The following WIPF3 variants were observed in gnomAD, a reference collection of about 807,000 sequenced individuals.
WIPF3 encodes the protein WAS/WASL-interacting protein family member 3.
A neutral mutation model predicts 38.9 loss-of-function variants in WIPF3; 33 were observed. That is an observed-to-expected ratio of 0.85 (90% CI 0.64 to 1.14). The LOEUF (loss-of-function observed/expected upper bound fraction) is 1.14. Among genes scored for constraint, WIPF3 ranks in the 50% most tolerant of loss-of-function variants. The pLI is 0.00. For missense variants in WIPF3, 711 were observed against 652.5 expected, an observed-to-expected ratio of 1.09 and a Z score of -0.98; for synonymous variants, 324 against 269.3, an observed-to-expected ratio of 1.20 and a Z score of -1.99.
At chr7:29,904,619 G>T in intron 8 of WIPF3, 1 of 430,640 alleles carries the variant, frequency 2.3e-6, no homozygotes, top group East Asian at 4.1e-5. Context: ...CTGACATTCT[G>T]CAACAATCAT....
At chr7:29,855,554 C>T (rs980432611) in intron 2 of WIPF3, among the ~76,000 whole-genome samples, 8 of 152,226 alleles carry the variant, frequency 5.3e-5, no homozygotes, top group African/African-American at 1.9e-4. Flanking sequence ...GTCCCTCTCA[C>T]ATGCCATGCA....
chr7:29,826,534 A>T (rs1784619100), intron 1 of WIPF3, among the ~76,000 whole-genome samples: 1 of 152,164 alleles, frequency 6.6e-6, no homozygotes, highest in Non-Finnish European at 1.5e-5. Flanking sequence ...ATTTTAAAAT[A>T]ATGGCTGTGT....
chr7:29,891,998 C>T (rs749226789), intron 7 of WIPF3, among the ~76,000 whole-genome samples: 4 of 152,300 alleles, frequency 2.6e-5, no homozygotes, highest in Non-Finnish European at 4.4e-5. Context: ...TAAGACCATA[C>T]AGACTGCCGG....
chr7:29,896,310 A>C (rs1000679418), intron 7 of WIPF3, among the ~76,000 whole-genome samples: 8 of 77,802 alleles, frequency 1.0e-4, no homozygotes, highest in African/African-American at 2.8e-4. Flanking sequence ...CAACAGTGAG[A>C]TCCTCTCTCT....
intron 2 of WIPF3, among the ~76,000 whole-genome samples, chr7:29,847,592 C>T (rs1480092963): frequency 6.6e-6 from 1 of 151,918 alleles, no homozygotes; most frequent in Non-Finnish European, 1.5e-5. Context: ...AGATCCGATG[C>T]TAATAGACTG....
Position 29,897,500 on chromosome 7 carries a change from T to C in WIPF3, c.1352-6786T>C, listed in dbSNP as rs549191284. 5.3e-5 allele frequency among the ~76,000 whole-genome samples: 8 copies of C among 152,368 alleles called. No individual in the cohort carries two copies. In the South Asian group the frequency reaches 1.7e-3, roughly 32 times the overall value. On this transcript the variant is annotated intron_variant, in intron 7 of 8. Transcript: ENST00000242140. The stretch of plus-strand genomic sequence containing the variant: ...TTATTTTCTGTTTTTTATTTTATCT[T>C]ATTTTTGTTGTATAGTGGCCATTCT...
In WIPF3 at chr7:29,904,755, GT is replaced by G. The variant is rs879849394; in HGVS notation, c.1428+402del. On this transcript the variant is annotated intron_variant, in intron 8 of 8. Coordinates refer to ENST00000242140, the MANE Select transcript of WIPF3 (RefSeq NM_001080529.3). Reference sequence around the variant, plus strand: ...CATGGTTTCTTTTAGCACACTTGGAGTTTTTTTTTCCCCCACCAATGTTATA... The same window carrying G: ...CATGGTTTCTTTTAGCACACTTGGAGTTTTTTTTCCCCCACCAATGTTATA... 3.8e-3 allele frequency: 595 copies of G among 157,588 alleles called. 4 individuals are homozygous for G. The highest frequency in any genetic ancestry group is 0.013 in the African/African-American group (528 of 41,456). The allele number at this position is 157,588 out of a possible 1,614,324, so 9.8% of individuals were successfully genotyped here.
chr7:29,865,049 T>C (rs923727932), intron 2 of WIPF3, among the ~76,000 whole-genome samples: 4 of 152,228 alleles, frequency 2.6e-5, no homozygotes, highest in African/African-American at 7.2e-5. Context: ...TTTAAGCTCA[T>C]TGTAGGGATT....
At chr7:29,857,016 A>G (rs1299365026) in intron 2 of WIPF3, among the ~76,000 whole-genome samples, 2 of 152,216 alleles carry the variant, frequency 1.3e-5, no homozygotes, top group African/African-American at 2.4e-5. Flanking sequence ...ATGAAGAGAT[A>G]ATATGAAGTA....
At chr7:29,902,856 C>T (rs537181645) in intron 7 of WIPF3, among the ~76,000 whole-genome samples, 2 of 112,774 alleles carry the variant, frequency 1.8e-5, no homozygotes, top group African/African-American at 2.7e-5. Context: ...CAAAAAAGAG[C>T]GTGTTTTTTT....
chr7:29,885,056 GT>G (rs1304896939), intron 5 of WIPF3, among the ~76,000 whole-genome samples: 1 of 152,112 alleles, frequency 6.6e-6, no homozygotes, highest in African/African-American at 2.4e-5. Flanking sequence ...ATTTGCCCGC[GT>G]TTTCCTATCT....
At chr7:29,885,199 T>C (rs937135559) in intron 5 of WIPF3, among the ~76,000 whole-genome samples, 1 of 152,336 alleles carries the variant, frequency 6.6e-6, no homozygotes, top group African/African-American at 2.4e-5. Flanking sequence ...AAATAATTCC[T>C]TCACATATGC....
chr7:29,841,626 C>T (rs1248019973), intron 2 of WIPF3, among the ~76,000 whole-genome samples: 1 of 152,110 alleles, frequency 6.6e-6, no homozygotes, highest in Non-Finnish European at 1.5e-5. Context: ...GCCTGGCCAA[C>T]ATGGTGAAAC....
At chr7:29,913,209 G>A (rs1336537394) in intron 8 of WIPF3, among the ~76,000 whole-genome samples, 1 of 152,092 alleles carries the variant, frequency 6.6e-6, no homozygotes, top group Non-Finnish European at 1.5e-5. Context: ...AGCCAGGCAT[G>A]GTGGCGCATA....
intron 1 of WIPF3, among the ~76,000 whole-genome samples, chr7:29,832,219 T>C (rs1784733639): frequency 6.6e-6 from 1 of 152,230 alleles, no homozygotes; most frequent in South Asian, 2.1e-4. Context: ...AAAAATATTT[T>C]TGCCACTGAA....
At chr7:29,882,267 T>G (rs927027315) in intron 4 of WIPF3, among the ~76,000 whole-genome samples, 1 of 152,238 alleles carries the variant, frequency 6.6e-6, no homozygotes, top group African/African-American at 2.4e-5. Context: ...TTGTAAACTT[T>G]CATTATCCCT....
intron 2 of WIPF3, among the ~76,000 whole-genome samples, chr7:29,872,689 G>A (rs1785517265): frequency 6.6e-6 from 1 of 151,346 alleles, no homozygotes; most frequent in Non-Finnish European, 1.5e-5. Flanking sequence ...CCAGCAACTC[G>A]GGAGGCTGAG....
rs919701000 is a variant in WIPF3 at position 29,880,411 on chromosome 7, G to A, written c.355+1271G>A. Among the ~76,000 whole-genome samples, 3 of 152,202 alleles carry A rather than the reference G, an allele frequency of 2.0e-5. No individual in the cohort carries two copies. The East Asian group carries it at 5.8e-4, about 29-fold the overall frequency. On this transcript the variant is annotated intron_variant, in intron 4 of 8. Coordinates refer to ENST00000242140, the MANE Select transcript of WIPF3 (RefSeq NM_001080529.3). ...AGATCCAACTTGAACCTTCTCAGGG[G>A]CCATGTTCATTTCCTCATTTTTGCT... is the stretch of plus-strand genomic sequence containing the variant.
intron 2 of WIPF3, among the ~76,000 whole-genome samples, chr7:29,867,010 T>G (rs776116346): frequency 1.4e-4 from 21 of 152,242 alleles, no homozygotes; most frequent in Non-Finnish European, 2.6e-4. Flanking sequence ...GACATAATAC[T>G]CATAACTAGC....
Sources: allele counts gnomAD v4.1 joint callset (sites outside exome capture counted in the v4.1 genomes callset), GRCh38; gene constraint gnomAD v4.1.1; transcripts MANE v1.5; gene names NCBI Gene and HGNC (gene_info 2026-07-23, HGNC 2026-07-21).